The following PTPRK variants were observed in gnomAD, a reference collection of about 807,000 sequenced individuals.
PTPRK encodes protein tyrosine phosphatase receptor type K, also known as receptor-type tyrosine-protein phosphatase kappa.
PTPRK carries 75 observed loss-of-function variants against 178.0 expected under a neutral mutation model. That is an observed-to-expected ratio of 0.42 (90% CI 0.35 to 0.51). The LOEUF is 0.51. Ranked by LOEUF, PTPRK falls within the 20% of genes least tolerant of loss-of-function variation. The probability of loss-of-function intolerance (pLI) is 0.02; values close to 1 mark genes in which losing one functional copy is unlikely to be tolerated. For synonymous variants in PTPRK, 637 were observed against 620.6 expected (o/e 1.03, Z -0.39); for missense variants, 1,441 against 1,797.8 (o/e 0.80, Z 3.59).
At chr6:128,473,473 A>G (rs549392276) in intron 1 of PTPRK, among the ~76,000 whole-genome samples, 92 of 140,084 alleles carry the variant, frequency 6.6e-4, no homozygotes, top group African/African-American at 2.5e-3. Flanking sequence ...CTTTAAGACC[A>G]TGCAAATATC....
intron 2 of PTPRK, among the ~76,000 whole-genome samples, chr6:128,395,362 C>T (rs1365210383): frequency 2.0e-5 from 3 of 152,058 alleles, no homozygotes; most frequent in East Asian, 1.9e-4. Context: ...ATTTCAAATG[C>T]TTTCATTTTC....
chr6:128,091,910 C>CA (rs1416482823), intron 7 of PTPRK, among the ~76,000 whole-genome samples: 1 of 152,152 alleles, frequency 6.6e-6, no homozygotes, highest in Non-Finnish European at 1.5e-5. Flanking sequence ...GTAAAGAAGA[C>CA]AGAGTAGCTC....
At chr6:128,318,403 C>T (rs528781151) in intron 3 of PTPRK, among the ~76,000 whole-genome samples, 93 of 152,248 alleles carry the variant, frequency 6.1e-4, no homozygotes, top group Non-Finnish European at 1.2e-3. Flanking sequence ...CAGAAAATCT[C>T]ATGCCTGTCA....
chr6:128,047,336 T>G (rs1193914895), intron 13 of PTPRK, among the ~76,000 whole-genome samples: 1 of 152,210 alleles, frequency 6.6e-6, no homozygotes, highest in Non-Finnish European at 1.5e-5. Context: ...TAATCTGACT[T>G]AGACATTCCC....
chr6:128,418,943 C>T (rs1249175202), intron 1 of PTPRK, among the ~76,000 whole-genome samples: 1 of 152,198 alleles, frequency 6.6e-6, no homozygotes, highest in Non-Finnish European at 1.5e-5. Flanking sequence ...TCTATTGTGT[C>T]ACCAATCCAC....
Position 127,970,276 on chromosome 6 carries a change from T to C in PTPRK, c.4274A>G (p.Gln1425Arg). 1 of 1,610,186 alleles carries C rather than the reference T, an allele frequency of 6.2e-7. No individual in the cohort carries two copies. Among genetic ancestry groups the C allele is most frequent in the Non-Finnish European group, 8.5e-7 (1 of 1,177,570 alleles). The change falls in exon 30 of 30, where the codon CAA (glutamine) becomes CGA (arginine). Residue 1425 changes from glutamine to arginine, a missense_variant. By Grantham distance (43) the Gln-to-Arg change is conservative (BLOSUM62 1). Coordinates refer to ENST00000368226, the MANE Select transcript of PTPRK (RefSeq NM_002844.4). ...AGCTACATCATAGCAGAAACGGTAT[T>C]GCTCCTGAAAGATGTCAAAACACAA... ...SKPNMVEAPE[Q>R]YRFCYDVALE...
intron 3 of PTPRK, among the ~76,000 whole-genome samples, chr6:128,306,216 T>C (rs559459532): frequency 3.8e-4 from 58 of 152,262 alleles, no homozygotes; most frequent in African/African-American, 1.3e-3. Flanking sequence ...AATATAAGAA[T>C]CTGTACCTTT....
intron 3 of PTPRK, among the ~76,000 whole-genome samples, chr6:128,300,176 C>T (rs898495549): frequency 6.6e-6 from 1 of 152,104 alleles, no homozygotes; most frequent in African/African-American, 2.4e-5. Context: ...AATGAGATAC[C>T]ATCTCACACC....
chr6:128,098,540 G>A (rs556982022), intron 7 of PTPRK, among the ~76,000 whole-genome samples: 2 of 152,228 alleles, frequency 1.3e-5, no homozygotes, highest in South Asian at 4.1e-4. Flanking sequence ...AGTCAGCCAA[G>A]ATCATCAGAG....
intron 15 of PTPRK, among the ~76,000 whole-genome samples, chr6:128,002,059 G>T (rs1777891753): frequency 6.6e-6 from 1 of 151,756 alleles, no homozygotes; most frequent in African/African-American, 2.4e-5. Flanking sequence ...ATCAAAGGGA[G>T]AGTGCAAGTA....
chr6:128,467,044 C>T (rs1849941259), intron 1 of PTPRK, among the ~76,000 whole-genome samples: 1 of 152,170 alleles, frequency 6.6e-6, no homozygotes, highest in African/African-American at 2.4e-5. Context: ...CTCACTCTGT[C>T]TTCCAGGCTC....
At chr6:128,068,235 G>T (rs1190164674) in intron 11 of PTPRK, among the ~76,000 whole-genome samples, 1 of 152,212 alleles carries the variant, frequency 6.6e-6, no homozygotes, top group Non-Finnish European at 1.5e-5. Context: ...GGTGCTAGAA[G>T]CACCCATTTG....
chr6:128,143,432 A>C (rs1796060286), intron 7 of PTPRK, among the ~76,000 whole-genome samples: 1 of 152,182 alleles, frequency 6.6e-6, no homozygotes, highest in Non-Finnish European at 1.5e-5. Context: ...TTCATCTAAA[A>C]CATGGTACTA....
intron 13 of PTPRK, among the ~76,000 whole-genome samples, chr6:128,042,311 G>T (rs1777324641): frequency 6.6e-6 from 1 of 152,038 alleles, no homozygotes; most frequent in African/African-American, 2.4e-5. Context: ...TAGCAAATTT[G>T]TGGGTTAAAA....
chr6:128,208,808 T>C (rs528261114), intron 6 of PTPRK, among the ~76,000 whole-genome samples: 3 of 152,300 alleles, frequency 2.0e-5, no homozygotes, highest in South Asian at 2.1e-4. Context: ...CTATGATTAG[T>C]TTAAGGCTTA....
chr6:128,491,673 TCTGCCACTAAAACAAACATCAGG>T (rs1265835924), intron 1 of PTPRK: 6 of 454,126 alleles, frequency 1.3e-5, no homozygotes, highest in Non-Finnish European at 2.7e-5. Context: ...AACACCAAAA[TCTGCCACTAAAACAAACATCAGG>T]CTTACATTAA....
At chr6:127,996,829 G>A in intron 17 of PTPRK, 72 bp downstream of exon 17, 1 of 1,513,328 alleles carries the variant, frequency 6.6e-7, no homozygotes, top group Non-Finnish European at 8.9e-7. Flanking sequence ...CACTCTCTGG[G>A]ATTTTTCTTA....
intron 6 of PTPRK, among the ~76,000 whole-genome samples, chr6:128,203,380 T>C (rs1176062244): frequency 6.6e-6 from 1 of 152,128 alleles, no homozygotes; most frequent in African/African-American, 2.4e-5. Flanking sequence ...GACAAGGACG[T>C]CATCTCTCAC....
intron 2 of PTPRK, among the ~76,000 whole-genome samples, chr6:128,341,739 TTAC>T (rs1386716360): frequency 6.6e-6 from 1 of 152,228 alleles, no homozygotes; most frequent in East Asian, 1.9e-4. Flanking sequence ...TTCAAGTTGA[TTAC>T]CAGAAAGCTT....
Sources: allele counts gnomAD v4.1 joint callset (sites outside exome capture counted in the v4.1 genomes callset), GRCh38; gene constraint gnomAD v4.1.1; transcripts MANE v1.5; gene names NCBI Gene and HGNC (gene_info 2026-07-23, HGNC 2026-07-21).